Variants in TMEM225B observed in about 807,000 individuals in gnomAD.
The protein encoded by TMEM225B is transmembrane protein 225B.
A neutral mutation model predicts 16.9 loss-of-function variants in TMEM225B; 10 were observed. The ratio of observed to expected loss-of-function variants is 0.59; its 90% confidence interval spans 0.36 to 1.00. TMEM225B has a LOEUF of 1.00. Ranked by LOEUF, TMEM225B falls within the 50% of genes least tolerant of loss-of-function variation. The pLI is 0.01. For missense variants in TMEM225B, 217 were observed against 267.0 expected, an observed-to-expected ratio of 0.81 and a Z score of 1.30; for synonymous variants, 92 against 109.8, an observed-to-expected ratio of 0.84 and a Z score of 1.01.
At chr7:99,606,049 C>T (rs937396267) in intron 3 of TMEM225B, among the ~76,000 whole-genome samples, 1 of 152,240 alleles carries the variant, frequency 6.6e-6, no homozygotes, top group African/African-American at 2.4e-5. Context: ...AATTTTATCA[C>T]AAGAGTTTGA....
chr7:99,602,450 G>A (rs1249649651), intron 2 of TMEM225B, among the ~76,000 whole-genome samples: 2 of 152,166 alleles, frequency 1.3e-5, no homozygotes, highest in East Asian at 3.8e-4. Flanking sequence ...GCACTGTGTT[G>A]GACACTTTGG....
intron 2 of TMEM225B, among the ~76,000 whole-genome samples, chr7:99,601,397 C>T (rs544158011): frequency 6.6e-6 from 1 of 152,146 alleles, no homozygotes; most frequent in African/African-American, 2.4e-5. Context: ...GTTTAAGACA[C>T]CCTGGGCAAC....
chr7:99,608,732 TATACACACACACAC>T (rs1310610828), intron 5 of TMEM225B, among the ~76,000 whole-genome samples: 13 of 125,812 alleles, frequency 1.0e-4, no homozygotes, highest in African/African-American at 2.7e-4. Flanking sequence ...TATATATATA[TATACACACACACAC>T]ACACACACAC....
chr7:99,603,517 C>T (rs931797198), intron 2 of TMEM225B, among the ~76,000 whole-genome samples: 8 of 152,084 alleles, frequency 5.3e-5, no homozygotes, highest in South Asian at 4.1e-4. Context: ...CATGGTGAAA[C>T]GCTGTCTCTA....
intron 1 of TMEM225B, among the ~76,000 whole-genome samples, chr7:99,599,773 G>A (rs1222038903): frequency 6.6e-6 from 1 of 152,170 alleles, no homozygotes; most frequent in Non-Finnish European, 1.5e-5. Flanking sequence ...TTGGTGGCTG[G>A]TGAGACTGTC....
At chr7:99,601,852 GC>G (rs1023183223) in intron 2 of TMEM225B, among the ~76,000 whole-genome samples, 3 of 152,264 alleles carry the variant, frequency 2.0e-5, no homozygotes, top group African/African-American at 7.2e-5. Flanking sequence ...GGGCAAAGAC[GC>G]CCCCTTCCCT....
chr7:99,603,192 A>G lies in TMEM225B; in HGVS notation c.-3-1194A>G, dbSNP rs543123198. ...GTACATGACCTGCTCATTTCTCAGC[A>G]GGGGCTCCTCCTGTGCACATGGACC... On this transcript the variant is annotated intron_variant, in intron 2 of 5. Transcript: ENST00000431679. Among the ~76,000 whole-genome samples the G allele has an allele frequency of 6.6e-5, 10 of 152,308 alleles. No individual in the cohort carries two copies. The South Asian group carries it at 2.1e-3, about 32-fold the overall frequency.
intron 1 of TMEM225B, 123 bp from the exon 2 acceptor site, chr7:99,600,082 G>A: frequency 6.2e-6 from 4 of 647,244 alleles, no homozygotes; most frequent in Non-Finnish European, 1.1e-5. Context: ...AGAGTGGAGG[G>A]GGCAGTGGGA....
intron 5 of TMEM225B, among the ~76,000 whole-genome samples, chr7:99,608,732 TATACACACACAC>T (rs1356945457): frequency 1.6e-4 from 20 of 125,812 alleles, no homozygotes; most frequent in East Asian, 5.0e-4. Flanking sequence ...TATATATATA[TATACACACACAC>T]ACACACACAC....
At chr7:99,601,765 C>T (rs1805382361) in intron 2 of TMEM225B, among the ~76,000 whole-genome samples, 1 of 152,186 alleles carries the variant, frequency 6.6e-6, no homozygotes, top group Admixed American at 6.5e-5. Flanking sequence ...CTGCCCTCTG[C>T]CATTAGGCTT....
chr7:99,601,686 T>C (rs983160724), intron 2 of TMEM225B, among the ~76,000 whole-genome samples: 1 of 152,236 alleles, frequency 6.6e-6, no homozygotes, highest in Non-Finnish European at 1.5e-5. Context: ...GCATCGAAGA[T>C]GAACATGTGT....
At chr7:99,602,916 C>A (rs1690933843) in intron 2 of TMEM225B, among the ~76,000 whole-genome samples, 1 of 152,114 alleles carries the variant, frequency 6.6e-6, no homozygotes, top group Non-Finnish European at 1.5e-5. Context: ...ACTGGTCTGA[C>A]TGTGTTGCCT....
At chr7:99,599,125 ATTTTTTTTT>A (rs769617190) in intron 1 of TMEM225B, among the ~76,000 whole-genome samples, 9 of 115,498 alleles carry the variant, frequency 7.8e-5, no homozygotes, top group Admixed American at 1.8e-4. Context: ...CGCCTGGCTA[ATTTTTTTTT>A]TTTTTTTTTT....
intron 4 of TMEM225B, 40 bp downstream of exon 4, chr7:99,606,934 C>T: frequency 6.5e-7 from 1 of 1,533,596 alleles, no homozygotes; most frequent in African/African-American, 1.4e-5. Flanking sequence ...TCGCTAGGGC[C>T]TGGGGAGGAG....
At position 99,610,641 on chromosome 7, in the gene TMEM225B, C is replaced by T; in HGVS notation, c.*76C>T. The T allele has an allele frequency of 7.5e-7, 1 of 1,336,646 alleles. No individual in the cohort carries two copies. The highest frequency in any genetic ancestry group is 1.0e-6 in the Non-Finnish European group (1 of 978,600). 82.8% of individuals were successfully genotyped at this position (1,336,646 alleles called of 1,614,324 possible). Reference sequence around the variant, plus strand: ...GTAGCTGTTTGTAGTCCTCCCCACCCTCTCTGCCAGTATCTGTGCCTTTGA... The same window carrying T: ...GTAGCTGTTTGTAGTCCTCCCCACCTTCTCTGCCAGTATCTGTGCCTTTGA... On this transcript the variant is annotated 3_prime_UTR_variant, in exon 6 of 6. Coordinates refer to ENST00000431679, the MANE Select transcript of TMEM225B (RefSeq NM_001195541.3).
intron 1 of TMEM225B, among the ~76,000 whole-genome samples, chr7:99,599,658 C>A (rs1044154792): frequency 8.5e-5 from 13 of 152,170 alleles, no homozygotes; most frequent in African/African-American, 2.9e-4. Flanking sequence ...TCGTATATTC[C>A]CCCATTCTCT....
rs536627768 is a variant in TMEM225B, at chr7:99,608,858, T to TATATATATATATATATATATATACACAC, written c.493+1049_493+1050insTATATATATATATATATATATACACACA. 8.3e-4 allele frequency among the ~76,000 whole-genome samples: 120 copies of TATATATATATATATATATATATACACAC among 144,372 alleles called. 1 individual carries two copies. The highest frequency in any genetic ancestry group is 3.3e-3 in the African/African-American group (118 of 35,600). The allele number at this position is 144,372 out of a possible 152,430, so 94.7% of individuals were successfully genotyped here. On this transcript the variant is annotated intron_variant, in intron 5 of 5. Coordinates refer to ENST00000431679, the MANE Select transcript of TMEM225B (RefSeq NM_001195541.3). ...GTGCACGTATATATATATATATATA[T>TATATATATATATATATATATATACACAC]ACACACACACATATATGTGTATATA...
chr7:99,607,014 G>T (rs1248408393), intron 4 of TMEM225B, 120 bp downstream of exon 4: 30 of 1,095,872 alleles, frequency 2.7e-5, no homozygotes, highest in Admixed American at 4.8e-5. Flanking sequence ...TAGGGACAGG[G>T]TCTCACTCTG....
At chr7:99,606,263 C>A (rs920913707) in intron 3 of TMEM225B, among the ~76,000 whole-genome samples, 2 of 152,220 alleles carry the variant, frequency 1.3e-5, no homozygotes, top group East Asian at 1.9e-4. Context: ...CCACTGCACT[C>A]TAGCTTGGGC....
Sources: gnomAD v4.1 joint callset for allele counts (sites outside exome capture counted in the v4.1 genomes callset) on GRCh38, gnomAD v4.1.1 for gene constraint, MANE v1.5 for transcripts, NCBI Gene and HGNC (gene_info 2026-07-23, HGNC 2026-07-21) for gene names.